The following ZDHHC8 variants were observed in gnomAD, a reference collection of about 807,000 sequenced individuals.
ZDHHC8 encodes the protein zDHHC palmitoyltransferase 8.
Under a neutral mutation model 61.2 loss-of-function variants are expected in ZDHHC8, and 24 were observed. The ratio of observed to expected loss-of-function variants is 0.39; its 90% CI spans 0.28 to 0.55. The LOEUF is 0.55. ZDHHC8 is among the 20% of genes least tolerant of loss of function. The pLI is 0.60. For missense variants in ZDHHC8, 935 were observed against 1,102.1 expected, an observed-to-expected ratio of 0.85 and a Z score of 2.15; for synonymous variants, 523 against 492.5, an observed-to-expected ratio of 1.06 and a Z score of -0.82.
At chr22:20,135,796 G>A (rs1376812111) in intron 1 of ZDHHC8, among the ~76,000 whole-genome samples, 1 of 152,262 alleles carries the variant, frequency 6.6e-6, no homozygotes, top group Non-Finnish European at 1.5e-5. Flanking sequence ...GGTACTTCGA[G>A]GCCCAAAGGC....
chr22:20,142,547 G>A (rs1403659761), intron 9 of ZDHHC8, among the ~76,000 whole-genome samples: 1 of 152,196 alleles, frequency 6.6e-6, no homozygotes, highest in South Asian at 2.1e-4. Flanking sequence ...GTCTGCAGTA[G>A]CCAGCTGTGG....
chr22:20,145,393 C>T lies in ZDHHC8; in HGVS notation c.2291C>T (p.Ser764Leu). 3 of 1,545,562 alleles carry T rather than the reference C, an allele frequency of 1.9e-6. No individual in the cohort carries two copies. The highest frequency in any genetic ancestry group is 1.7e-6 in the Non-Finnish European group (2 of 1,145,622). Reference protein sequence around the residue: ...SGVGGTTYEISV With the variant: ...SGVGGTTYEILV Reference sequence around the variant, plus strand: ...GTGGGTGGGACCACCTACGAGATCTCGGTGTGAGGACTGACTGCCACACAT... The same window carrying T: ...GTGGGTGGGACCACCTACGAGATCTTGGTGTGAGGACTGACTGCCACACAT... The change falls in exon 11 of 11, where the codon TCG (serine) becomes TTG (leucine). Residue 764 changes from serine (S) to leucine (L), a missense_variant. Ser to Leu is a moderately radical substitution (Grantham distance 145, BLOSUM62 -2). Transcript: ENST00000334554.
rs114492336 is a variant in ZDHHC8, at chr22:20,145,720, C to T, written c.*320C>T. On this transcript the variant is annotated 3_prime_UTR_variant, in exon 11 of 11. Coordinates refer to ENST00000334554, the MANE Select transcript of ZDHHC8 (RefSeq NM_013373.4). ...CACCCTCTCTCAGCCAGGCTTGGCC[C>T]ACTGCCATCACCCAGCACCCCAGAT... 1,945 of 1,024,178 alleles carry T rather than the reference C, an allele frequency of 1.9e-3. 37 individuals are homozygous for T. The African/African-American group carries it at 0.03, about 16-fold the overall frequency. 63.4% of individuals were successfully genotyped at this position (1,024,178 alleles called of 1,614,324 possible).
chr22:20,143,639 G>A lies in ZDHHC8; in HGVS notation c.2009G>A (p.Arg670His), dbSNP rs879061029. The A allele has an allele frequency of 5.6e-6, 9 of 1,605,948 alleles. No homozygotes were observed. The highest frequency in any genetic ancestry group is 2.2e-5 in the South Asian group (2 of 90,636). Reference protein sequence around the residue: ...PSSGSHRSPARQGLPSPPGTP... With the variant: ...PSSGSHRSPAHQGLPSPPGTP... Reference sequence around the variant, plus strand: ...AGTGGCTCACACAGGTCACCTGCACGCCAGGGCCTGCCCTCCCCGCCCGGC... The same window carrying A: ...AGTGGCTCACACAGGTCACCTGCACACCAGGGCCTGCCCTCCCCGCCCGGC... The change falls in exon 10 of 11, where the codon CGC (arginine) becomes CAC (histidine). Residue 670 changes from arginine (R) to histidine (H), a missense_variant. By Grantham distance (29) the Arg-to-His change is conservative. Transcript: ENST00000334554.
chr22:20,145,405 T>C lies in ZDHHC8; in HGVS notation c.*5T>C, dbSNP rs1169646117. ...ACCTACGAGATCTCGGTGTGAGGACTGACTGCCACACATCCGCCATGGTGC... is the reference window on the plus strand; with the variant it reads ...ACCTACGAGATCTCGGTGTGAGGACCGACTGCCACACATCCGCCATGGTGC... On this transcript the variant is annotated 3_prime_UTR_variant, in exon 11 of 11. Coordinates refer to ENST00000334554, the MANE Select transcript of ZDHHC8 (RefSeq NM_013373.4). 1.3e-6 allele frequency: 2 copies of C among 1,514,698 alleles called. No homozygotes were observed. The highest frequency in any genetic ancestry group is 1.8e-6 in the Non-Finnish European group (2 of 1,128,794). 93.8% of individuals were successfully genotyped at this position (1,514,698 alleles called of 1,614,324 possible).
At chr22:20,132,160 C>A in intron 1 of ZDHHC8, 109 bp downstream of exon 1, 1 of 578,392 alleles carries the variant, frequency 1.7e-6, no homozygotes, top group Non-Finnish European at 2.3e-6. Flanking sequence ...GGGCAGTGGG[C>A]GGGCGGGGCG....
chr22:20,147,237 T>C lies in ZDHHC8; in HGVS notation c.*1837T>C. On this transcript the variant is annotated 3_prime_UTR_variant, in exon 11 of 11. Coordinates refer to ENST00000334554, the MANE Select transcript of ZDHHC8 (RefSeq NM_013373.4). ...CCAGCCTCTCGGGGCCCTAGCAGGA[T>C]GACAAGTAGGCGGCTCTGGGGCCCA... The C allele has an allele frequency of 6.9e-7, 1 of 1,441,726 alleles. No homozygotes were observed. Among genetic ancestry groups the C allele is most frequent in the Non-Finnish European group, 9.1e-7 (1 of 1,094,794 alleles). The allele number at this position is 1,441,726 out of a possible 1,614,324, so 89.3% of individuals were successfully genotyped here. A position where few individuals can be genotyped will look rare whatever the true frequency, so the allele number is the denominator to read the frequency against.
In ZDHHC8 at chr22:20,145,604, G is replaced by T. The variant is rs1023114043; in HGVS notation, c.*204G>T. 1 of 1,234,892 alleles carries T rather than the reference G, an allele frequency of 8.1e-7. No individual in the cohort carries two copies. The highest frequency in any genetic ancestry group is 1.0e-6 in the Non-Finnish European group (1 of 986,032). 76.5% of individuals were successfully genotyped at this position (1,234,892 alleles called of 1,614,324 possible). On this transcript the variant is annotated 3_prime_UTR_variant, in exon 11 of 11. Transcript: ENST00000334554. Reference sequence around the variant, plus strand: ...CCACTCATCTGCCCATGGGGAAGTCGGCTCACTGGGACAAGGGCCACTGGG... The same window carrying T: ...CCACTCATCTGCCCATGGGGAAGTCTGCTCACTGGGACAAGGGCCACTGGG...
intron 1 of ZDHHC8, among the ~76,000 whole-genome samples, chr22:20,137,478 C>T (rs1165427235): frequency 6.6e-6 from 1 of 152,284 alleles, no homozygotes; most frequent in Admixed American, 6.5e-5. Context: ...CGAGGGTTGA[C>T]CAATGGCACT....
At position 20,142,998 on chromosome 22, in the gene ZDHHC8, G is replaced by GC; in HGVS notation, c.1374dup (p.Thr459HisfsTer5). 1.2e-6 allele frequency: 2 copies of GC among 1,605,590 alleles called. No homozygotes were observed. Among genetic ancestry groups the GC allele is most frequent in the South Asian group, 1.1e-5 (1 of 90,644 alleles). On this transcript the variant is annotated frameshift_variant, in exon 10 of 11. Transcript: ENST00000334554. LOFTEE classifies it high-confidence loss of function. Reference sequence around the variant, plus strand: ...TGCAGCCCCTGCGCTCTGAGGGGGGGCCCCCCACGCCCCACCGTAGCATTT... The same window carrying GC: ...TGCAGCCCCTGCGCTCTGAGGGGGGGCCCCCCCACGCCCCACCGTAGCATTT...
chr22:20,132,184 A>G (rs945572330), intron 1 of ZDHHC8, 133 bp downstream of exon 1: 5 of 407,636 alleles, frequency 1.2e-5, no homozygotes, highest in African/African-American at 6.5e-5. Flanking sequence ...GCTGCAGGCG[A>G]TGGCAGTCCC....
chr22:20,140,587 C>T (rs1388746256), intron 5 of ZDHHC8, 30 bp from the exon 6 acceptor site: 3 of 1,565,364 alleles, frequency 1.9e-6, no homozygotes, highest in African/African-American at 1.3e-5. Flanking sequence ...CCTTGGGAGG[C>T]CAGGCTGGCT....
At chr22:20,138,198 G>A (rs1319189704) in intron 1 of ZDHHC8, among the ~76,000 whole-genome samples, 3 of 152,244 alleles carry the variant, frequency 2.0e-5, no homozygotes, top group Non-Finnish European at 4.4e-5. Flanking sequence ...GGGCTGCTGT[G>A]GGGGATCCCC....
In ZDHHC8 at chr22:20,145,116, C is replaced by G. The variant is rs1432734853; in HGVS notation, c.2127-113C>G. 2.4e-4 allele frequency: 251 copies of G among 1,038,812 alleles called. 3 individuals carry two copies. In the East Asian group the frequency reaches 7.2e-3, roughly 30 times the overall value. 64.3% of individuals were successfully genotyped at this position (1,038,812 alleles called of 1,614,324 possible). Reference sequence around the variant, plus strand: ...AGGGACTGCACGGGGCCCCACAACTCGGCTGCACTAGTCCACGTCCGCGTC... The same window carrying G: ...AGGGACTGCACGGGGCCCCACAACTGGGCTGCACTAGTCCACGTCCGCGTC... On this transcript the variant is annotated intron_variant, in intron 10 of 10. Coordinates refer to ENST00000334554, the MANE Select transcript of ZDHHC8 (RefSeq NM_013373.4).
chr22:20,144,491 C>T (rs923572843), intron 10 of ZDHHC8, among the ~76,000 whole-genome samples: 3 of 152,250 alleles, frequency 2.0e-5, no homozygotes, highest in African/African-American at 4.8e-5. Flanking sequence ...ACCTCAAGCA[C>T]AGGCGCAGTT....
At chr22:20,141,185 C>T in intron 7 of ZDHHC8, 32 bp from the exon 8 acceptor site, 1 of 1,599,830 alleles carries the variant, frequency 6.3e-7, no homozygotes, top group East Asian at 2.2e-5. Flanking sequence ...CTCATCCAAG[C>T]CCCACACACC....
chr22:20,139,165 C>A (rs1384278534), intron 1 of ZDHHC8, 29 bp from the exon 2 acceptor site: 34 of 1,605,786 alleles, frequency 2.1e-5, no homozygotes, highest in Non-Finnish European at 2.8e-5. Context: ...CCCCCAGACT[C>A]CACTCTCTGC....
At position 20,146,929 on chromosome 22, in the gene ZDHHC8, G is replaced by T. The variant is rs1179922759; in HGVS notation, c.*1529G>T. The T allele has an allele frequency of 3.0e-6, 4 of 1,349,650 alleles. No individual in the cohort carries two copies. In the African/African-American group the frequency reaches 4.6e-5, roughly 16 times the overall value. The allele number at this position is 1,349,650 out of a possible 1,614,324, so 83.6% of individuals were successfully genotyped here. A position where few individuals can be genotyped will look rare whatever the true frequency, so the allele number is the denominator to read the frequency against. ...TCAGGGCTGAGACATTCTGGGCTGG[G>T]GCTGTCCCAGCGTGGGAGGCGTGCG... On this transcript the variant is annotated 3_prime_UTR_variant, in exon 11 of 11. Transcript: ENST00000334554.
At chr22:20,139,136 C>A in intron 1 of ZDHHC8, 58 bp from the exon 2 acceptor site, 2 of 1,576,222 alleles carry the variant, frequency 1.3e-6, no homozygotes, top group Non-Finnish European at 1.7e-6. Context: ...CATAGCTCTG[C>A]GCCTGCATCC....
Sources: gnomAD v4.1 joint callset for allele counts (sites outside exome capture counted in the v4.1 genomes callset) on GRCh38, gnomAD v4.1.1 for gene constraint, MANE v1.5 for transcripts, NCBI Gene and HGNC (gene_info 2026-07-23, HGNC 2026-07-21) for gene names.